Variants in SLC7A1 observed in about 807,000 individuals in gnomAD.
The protein encoded by SLC7A1 is high affinity cationic amino acid transporter 1.
A neutral mutation model predicts 53.9 loss-of-function variants in SLC7A1; 10 were observed. That is an observed-to-expected ratio of 0.19 (90% confidence interval 0.11 to 0.31). The LOEUF (loss-of-function observed/expected upper bound fraction) is 0.31. SLC7A1 is among the 10% of genes least tolerant of loss of function. The probability of loss-of-function intolerance (pLI) is 1.00; values close to 1 mark genes in which losing one functional copy is unlikely to be tolerated. For missense variants in SLC7A1, 525 were observed against 827.2 expected, an observed-to-expected ratio of 0.63 and a Z score of 4.48; for synonymous variants, 342 against 338.7, an observed-to-expected ratio of 1.01 and a Z score of -0.11.
chr13:29,534,926 T>C (rs910045013), intron 3 of SLC7A1, among the ~76,000 whole-genome samples: 3 of 152,232 alleles, frequency 2.0e-5, no homozygotes, highest in African/African-American at 7.2e-5. Context: ...CAAAAAAGCA[T>C]AAAGAGAAGC....
chr13:29,567,414 C>T (rs1871015328), intron 1 of SLC7A1, among the ~76,000 whole-genome samples: 1 of 152,132 alleles, frequency 6.6e-6, no homozygotes, highest in South Asian at 2.1e-4. Context: ...GTCTGTTAGC[C>T]CAGCCCAGTA....
chr13:29,544,765 T>C (rs531403068), intron 2 of SLC7A1, among the ~76,000 whole-genome samples: 88 of 144,050 alleles, frequency 6.1e-4, no homozygotes, highest in African/African-American at 2.1e-3. Flanking sequence ...GGGAATGGCA[T>C]GGCGGCGAGG....
chr13:29,593,937 A>G (rs1872207022), intron 1 of SLC7A1, among the ~76,000 whole-genome samples: 1 of 152,248 alleles, frequency 6.6e-6, no homozygotes. Flanking sequence ...ACATGATCGT[A>G]ATATGCTAAA....
chr13:29,527,225 G>A lies in SLC7A1; in HGVS notation c.705-2972C>T, dbSNP rs1868938834. The stretch of plus-strand genomic sequence containing the variant: ...GTGCTTACACAGGGAGAAACTGGAA[G>A]CTTACACACACACACACAATTAGAA... On this transcript the variant is annotated intron_variant, in intron 5 of 12. Coordinates refer to ENST00000380752, the MANE Select transcript of SLC7A1 (RefSeq NM_003045.5). Among the ~76,000 whole-genome samples the A allele has an allele frequency of 2.6e-5, 4 of 152,208 alleles. No individual in the cohort carries two copies. In the South Asian group the frequency reaches 6.2e-4, roughly 24 times the overall value.
intron 2 of SLC7A1, among the ~76,000 whole-genome samples, chr13:29,538,375 G>C (rs1869518641): frequency 6.6e-6 from 1 of 152,204 alleles, no homozygotes; most frequent in Admixed American, 6.5e-5. Flanking sequence ...AGCAGGAAAA[G>C]GGCCCCTGAG....
At chr13:29,594,248 G>T (rs1479734698) in intron 1 of SLC7A1, among the ~76,000 whole-genome samples, 2 of 152,232 alleles carry the variant, frequency 1.3e-5, no homozygotes, top group Non-Finnish European at 2.9e-5. Context: ...TCTACTAGTC[G>T]AATGTAAGTA....
chr13:29,536,771 G>A (rs918666996), intron 2 of SLC7A1, among the ~76,000 whole-genome samples: 7 of 152,214 alleles, frequency 4.6e-5, no homozygotes, highest in Non-Finnish European at 7.3e-5. Flanking sequence ...GAGGTAGGTC[G>A]AAGCAGAAAA....
At chr13:29,524,036 C>T (rs985041533) in intron 6 of SLC7A1, 96 bp downstream of exon 6, 18 of 1,251,464 alleles carry the variant, frequency 1.4e-5, no homozygotes, top group Admixed American at 4.0e-5. Flanking sequence ...GAAAGAGCGG[C>T]GACTGGACCG....
At chr13:29,583,388 G>A (rs1039001133) in intron 1 of SLC7A1, among the ~76,000 whole-genome samples, 3 of 152,232 alleles carry the variant, frequency 2.0e-5, no homozygotes, top group Non-Finnish European at 2.9e-5. Flanking sequence ...TCCCCAGGGT[G>A]GAATCGTGCT....
At chr13:29,553,022 G>GC (rs1293661349) in intron 2 of SLC7A1, among the ~76,000 whole-genome samples, 3 of 151,928 alleles carry the variant, frequency 2.0e-5, no homozygotes, top group African/African-American at 4.8e-5. Context: ...AGCCTTGACC[G>GC]CCCCCCTGCC....
chr13:29,518,354 C>T (rs1338845401), intron 9 of SLC7A1, among the ~76,000 whole-genome samples: 1 of 152,230 alleles, frequency 6.6e-6, no homozygotes, highest in Non-Finnish European at 1.5e-5. Flanking sequence ...ATTTCCAAGA[C>T]ATGAGCTACC....
At chr13:29,570,343 GCT>G (rs1319093523) in intron 1 of SLC7A1, among the ~76,000 whole-genome samples, 5 of 152,190 alleles carry the variant, frequency 3.3e-5, no homozygotes, top group Non-Finnish European at 7.3e-5. Flanking sequence ...TTTCATATTT[GCT>G]CACGGAACTG....
intron 1 of SLC7A1, among the ~76,000 whole-genome samples, chr13:29,589,294 G>C (rs564664939): frequency 3.9e-5 from 6 of 152,364 alleles, no homozygotes; most frequent in African/African-American, 1.2e-4. Flanking sequence ...ATTTCCACAA[G>C]ACCCCCTGCA....
At chr13:29,515,273 G>A (rs114274649) in intron 12 of SLC7A1, among the ~76,000 whole-genome samples, 280 of 152,352 alleles carry the variant, frequency 1.8e-3, no homozygotes, top group African/African-American at 6.5e-3. Flanking sequence ...GGGAAGAGGC[G>A]CCCCTCTGCC....
At chr13:29,514,614 C>T (rs1336862867) in intron 12 of SLC7A1, 31 bp from the exon 13 acceptor site, 1 of 1,537,306 alleles carries the variant, frequency 6.5e-7, no homozygotes, top group Non-Finnish European at 8.9e-7. Context: ...CGGGCGTGAA[C>T]AGACCGCCGG....
rs200839293 is a variant in SLC7A1 at position 29,532,800 on chromosome 13, T to C, written c.529+24A>G. The C allele has an allele frequency of 3.5e-5, 56 of 1,595,460 alleles. No homozygotes were observed. In the African/African-American group the frequency reaches 7.1e-4, roughly 20 times the overall value. ...ACCTTTGCCCATCACTCTGACCCGA[T>C]CTCTTTTTAAGTGTGGGCTTTACCT... On this transcript the variant is annotated intron_variant, in intron 4 of 12. Coordinates refer to ENST00000380752, the MANE Select transcript of SLC7A1 (RefSeq NM_003045.5).
intron 1 of SLC7A1, among the ~76,000 whole-genome samples, chr13:29,562,556 G>A (rs1870806606): frequency 6.6e-6 from 1 of 152,202 alleles, no homozygotes; most frequent in Non-Finnish European, 1.5e-5. Context: ...AAATGCTCCT[G>A]GTTCCAAGCA....
chr13:29,514,360 T>A lies in SLC7A1; in HGVS notation c.*120A>T. 1.5e-6 allele frequency: 1 copy of A among 677,264 alleles called. No homozygotes were observed. The highest frequency in any genetic ancestry group is 2.6e-6 in the Non-Finnish European group (1 of 389,754). The allele number at this position is 677,264 out of a possible 1,614,324, so 42.0% of individuals were successfully genotyped here. ...CAGGTCAAGTAATTGCACCTTTGGC[T>A]GCAGTGAGGGTGTGGACGCAGGTGG... On this transcript the variant is annotated 3_prime_UTR_variant, in exon 13 of 13. Coordinates refer to ENST00000380752, the MANE Select transcript of SLC7A1 (RefSeq NM_003045.5).
At chr13:29,559,720 C>CTT (rs745855245) in intron 1 of SLC7A1, among the ~76,000 whole-genome samples, 7 of 145,828 alleles carry the variant, frequency 4.8e-5, no homozygotes, top group Admixed American at 3.4e-4. Flanking sequence ...TTTTGTAACT[C>CTT]TTTTTTTTTT....
Sources: gnomAD v4.1 joint callset for allele counts (sites outside exome capture counted in the v4.1 genomes callset) on GRCh38, gnomAD v4.1.1 for gene constraint, MANE v1.5 for transcripts, NCBI Gene and HGNC (gene_info 2026-07-23, HGNC 2026-07-21) for gene names.